TMEM131: variants seen among roughly 807,000 people sequenced by gnomAD.
The protein encoded by TMEM131 is 2610524E03Rik.
In TMEM131, 66 loss-of-function variants were observed where a neutral mutation model predicts 211.6. The ratio of observed to expected loss-of-function variants is 0.31; its 90% CI spans 0.26 to 0.38. The LOEUF (loss-of-function observed/expected upper bound fraction) is 0.38. Ranked by LOEUF, TMEM131 falls within the 10% of genes least tolerant of loss-of-function variation. TMEM131 has a pLI of 1.00. For missense variants in TMEM131, 2,036 were observed against 2,299.3 expected (o/e 0.89, Z 2.34); for synonymous variants, 844 against 841.3 (o/e 1.00, Z -0.06).
At chr2:97,973,369 A>G (rs1188849056) in intron 1 of TMEM131, among the ~76,000 whole-genome samples, 3 of 152,208 alleles carry the variant, frequency 2.0e-5, no homozygotes, top group African/African-American at 7.2e-5. Flanking sequence ...AGGACATGGG[A>G]AACAAACAAG....
At chr2:97,820,823 T>A (rs1682080056) in intron 11 of TMEM131, among the ~76,000 whole-genome samples, 1 of 151,056 alleles carries the variant, frequency 6.6e-6, no homozygotes, top group Non-Finnish European at 1.5e-5. Flanking sequence ...GACACTGCAC[T>A]CCAGCCTGGG....
chr2:97,934,873 A>G (rs1677376454), intron 1 of TMEM131, among the ~76,000 whole-genome samples: 1 of 152,170 alleles, frequency 6.6e-6, no homozygotes. Flanking sequence ...TTAACTCAAA[A>G]TACATCACTG....
chr2:97,914,374 A>G (rs1371430006), intron 2 of TMEM131, among the ~76,000 whole-genome samples: 2 of 152,212 alleles, frequency 1.3e-5, no homozygotes, highest in East Asian at 1.9e-4. Context: ...TGCCTTGTTC[A>G]GAAGGTCTCA....
At chr2:97,925,348 G>A (rs1327471000) in intron 2 of TMEM131, among the ~76,000 whole-genome samples, 1 of 152,184 alleles carries the variant, frequency 6.6e-6, no homozygotes, top group Non-Finnish European at 1.5e-5. Context: ...TGAGATACCT[G>A]ACCAGGGCAT....
At chr2:97,879,224 G>C (rs1318500693) in intron 4 of TMEM131, among the ~76,000 whole-genome samples, 1 of 152,176 alleles carries the variant, frequency 6.6e-6, no homozygotes, top group Non-Finnish European at 1.5e-5. Flanking sequence ...CACTGCTGTA[G>C]GGAAAGGATA....
intron 33 of TMEM131, among the ~76,000 whole-genome samples, chr2:97,771,581 G>GTGCT (rs1414955200): frequency 6.6e-6 from 1 of 152,182 alleles, no homozygotes; most frequent in Non-Finnish European, 1.5e-5. Context: ...AGCAGCTCCC[G>GTGCT]TGCTGATGAC....
Position 97,819,306 on chromosome 2 carries a change from T to C in TMEM131, c.1075-585A>G, listed in dbSNP as rs192062474. Among the ~76,000 whole-genome samples, 49 of 152,312 alleles carry C rather than the reference T, an allele frequency of 3.2e-4. 1 individual carries two copies. Among genetic ancestry groups the C allele is most frequent in the African/African-American group, 1.2e-3 (49 of 41,566 alleles). On this transcript the variant is annotated intron_variant, in intron 11 of 40. Transcript: ENST00000186436. ...AGCACTGAGGCAGCCCACAGGGATGTTCAGCTTGAAGCCAGAATGCTTAAA... is the reference window on the plus strand; with the variant it reads ...AGCACTGAGGCAGCCCACAGGGATGCTCAGCTTGAAGCCAGAATGCTTAAA...
At chr2:97,818,456 T>C (rs1681939461) in intron 12 of TMEM131, among the ~76,000 whole-genome samples, 157 bp downstream of exon 12, 1 of 30,670 alleles carries the variant, frequency 3.3e-5, no homozygotes, top group African/African-American at 1.7e-4. Context: ...TTCATGATGG[T>C]TTACAGCGGG....
At chr2:97,779,112 A>G (rs1317927213) in intron 31 of TMEM131, among the ~76,000 whole-genome samples, 3 of 152,218 alleles carry the variant, frequency 2.0e-5, no homozygotes, top group Admixed American at 2.0e-4. Context: ...TTCTGACTCA[A>G]CAGTTCTGGA....
chr2:97,882,242 T>C (rs1221341666), intron 4 of TMEM131, among the ~76,000 whole-genome samples: 2 of 152,210 alleles, frequency 1.3e-5, no homozygotes, highest in East Asian at 1.9e-4. Context: ...CTTTCTAGTA[T>C]GTTTCTGGTT....
intron 29 of TMEM131, 64 bp downstream of exon 29, chr2:97,794,866 G>A: frequency 7.3e-7 from 1 of 1,374,380 alleles, no homozygotes; most frequent in South Asian, 1.4e-5. Flanking sequence ...CTGGCACACA[G>A]TGGGCACTCG....
At chr2:97,920,840 AAAG>A (rs1443581798) in intron 2 of TMEM131, among the ~76,000 whole-genome samples, 8 of 152,200 alleles carry the variant, frequency 5.3e-5, no homozygotes, top group South Asian at 2.1e-4. Flanking sequence ...ATTATGAGAT[AAAG>A]AAGACCTAAA....
At chr2:97,951,941 G>A (rs1372951005) in intron 1 of TMEM131, among the ~76,000 whole-genome samples, 2 of 151,988 alleles carry the variant, frequency 1.3e-5, no homozygotes, top group East Asian at 1.9e-4. Context: ...GGCAGATCAC[G>A]AGATCAGGAG....
At chr2:97,910,904 C>G (rs1316006955) in intron 2 of TMEM131, among the ~76,000 whole-genome samples, 1 of 152,088 alleles carries the variant, frequency 6.6e-6, no homozygotes, top group African/African-American at 2.4e-5. Context: ...TACCATATGA[C>G]CAAATCACTC....
At chr2:97,893,208 A>G (rs1051885360) in intron 3 of TMEM131, among the ~76,000 whole-genome samples, 1 of 152,218 alleles carries the variant, frequency 6.6e-6, no homozygotes, top group Non-Finnish European at 1.5e-5. Flanking sequence ...ATGTCCCTGC[A>G]AAGGGCATGA....
intron 3 of TMEM131, chr2:97,907,165 T>A (rs1209000168): frequency 6.6e-6 from 1 of 152,244 alleles, no homozygotes; most frequent in East Asian, 1.9e-4. Flanking sequence ...TCTTAGATGG[T>A]CCAGCCAAGG....
Position 97,804,595 on chromosome 2 carries a change from C to T in TMEM131, c.2402+493G>A, listed in dbSNP as rs567256045. On this transcript the variant is annotated intron_variant, in intron 22 of 40. Transcript: ENST00000186436. ...GGAGAATCACGCCACTGCACTCCAG[C>T]TTGGTGACAGAGTGAGACTCCGTCT... Among the ~76,000 whole-genome samples the T allele has an allele frequency of 6.8e-5, 9 of 132,010 alleles. No individual in the cohort carries two copies. In the East Asian group the frequency reaches 1.8e-3, roughly 26 times the overall value. The allele number at this position is 132,010 out of a possible 152,430, so 86.6% of individuals were successfully genotyped here.
chr2:97,923,846 T>C (rs537713688), intron 2 of TMEM131, among the ~76,000 whole-genome samples: 72 of 152,124 alleles, frequency 4.7e-4, no homozygotes, highest in African/African-American at 1.4e-3. Context: ...TTGGGGAGGC[T>C]GAGGCGGGTG....
chr2:97,858,959 T>C (rs1673957495), intron 5 of TMEM131, among the ~76,000 whole-genome samples: 1 of 152,214 alleles, frequency 6.6e-6, no homozygotes. Flanking sequence ...AAGTGGCTGT[T>C]GCCACAAGTC....
Sources: allele counts gnomAD v4.1 joint callset (sites outside exome capture counted in the v4.1 genomes callset), GRCh38; gene constraint gnomAD v4.1.1; transcripts MANE v1.5; gene names NCBI Gene and HGNC (gene_info 2026-07-23, HGNC 2026-07-21).